The following SLC11A2 variants were observed in gnomAD, a reference collection of about 807,000 sequenced individuals.
The protein encoded by SLC11A2 is solute carrier family 11 member 2, also known as natural resistance-associated macrophage protein 2.
SLC11A2 carries 38 observed loss-of-function variants against 68.0 expected under a neutral mutation model. The ratio of observed to expected loss-of-function variants is 0.56; its 90% CI spans 0.43 to 0.73. SLC11A2 has a LOEUF of 0.73. Ranked by LOEUF, SLC11A2 falls within the 30% of genes least tolerant of loss-of-function variation. The pLI is 0.00. For missense variants in SLC11A2, 517 were observed against 690.5 expected, an observed-to-expected ratio of 0.75 and a Z score of 2.82; for synonymous variants, 242 against 250.6, an observed-to-expected ratio of 0.97 and a Z score of 0.32.
intron 3 of SLC11A2, among the ~76,000 whole-genome samples, chr12:51,007,762 T>TC (rs1447414868): frequency 6.6e-6 from 1 of 152,160 alleles, no homozygotes; most frequent in African/African-American, 2.4e-5. Flanking sequence ...CACCTCAGCC[T>TC]CCCGAGTAGC....
At position 51,008,516 on chromosome 12, in the gene SLC11A2, G is replaced by A; in HGVS notation, c.143C>T (p.Ala48Val). The part of the protein sequence containing the change: ...QSPGDSEEYF[A>V]TYFNEKISIP... The stretch of plus-strand genomic sequence containing the variant: ...GGAGATCTTCTCATTAAAGTAAGTG[G>A]CGAAGTACTCCTCTGAGTCCCCAGG... The change falls in exon 3 of 16, where the codon GCC (alanine) becomes GTC (valine). Residue 48 changes from alanine (A) to valine (V), a missense_variant. Transcript: ENST00000262052. The A allele has an allele frequency of 6.2e-7, 1 of 1,613,282 alleles. No homozygotes were observed. The highest frequency in any genetic ancestry group is 8.5e-7 in the Non-Finnish European group (1 of 1,179,356).
In SLC11A2 at chr12:50,999,256, G is replaced by A. The variant is rs760393316; in HGVS notation, c.608-15C>T. The A allele has an allele frequency of 1.2e-6, 2 of 1,613,852 alleles. No individual in the cohort carries two copies. The highest frequency in any genetic ancestry group is 1.7e-5 in the Admixed American group (1 of 59,996). ...CTTCCGCAAGCCTAAAGGAAAAAAGGCAGCAGTGAGCTCAGAGAAGGTAGA... is the reference window on the plus strand; with the variant it reads ...CTTCCGCAAGCCTAAAGGAAAAAAGACAGCAGTGAGCTCAGAGAAGGTAGA... On this transcript the variant is annotated splice_polypyrimidine_tract_variant and intron_variant, in intron 7 of 15. Coordinates refer to ENST00000262052, the MANE Select transcript of SLC11A2 (RefSeq NM_000617.3).
At chr12:50,995,582 C>G (rs1941629515) in intron 10 of SLC11A2, 47 bp downstream of exon 10, 1 of 1,595,880 alleles carries the variant, frequency 6.3e-7, no homozygotes, top group Admixed American at 1.7e-5. Context: ...TTGCAGTCTT[C>G]ACTTTACCCT....
At position 50,987,265 on chromosome 12, in the gene SLC11A2, A is replaced by C; in HGVS notation, c.*1060T>G. ...TACTAACACCTACTGACTTGCAGAG[A>C]ACGCTGAGAAAGACAGTGTGCTTTG... On this transcript the variant is annotated 3_prime_UTR_variant, in exon 16 of 16. Transcript: ENST00000262052. 1 of 1,287,224 alleles carries C rather than the reference A, an allele frequency of 7.8e-7. No homozygotes were observed. The highest frequency in any genetic ancestry group is 1.0e-6 in the Non-Finnish European group (1 of 988,682). 79.7% of individuals were successfully genotyped at this position (1,287,224 alleles called of 1,614,324 possible).
intron 1 of SLC11A2, among the ~76,000 whole-genome samples, chr12:51,022,481 C>G: frequency 6.7e-6 from 1 of 148,790 alleles, no homozygotes; most frequent in Non-Finnish European, 1.5e-5. Context: ...CAGCCTATAC[C>G]TACTTCTTGC....
chr12:51,017,985 C>CA (rs1173494949), intron 1 of SLC11A2, among the ~76,000 whole-genome samples: 9 of 152,142 alleles, frequency 5.9e-5, no homozygotes, highest in Non-Finnish European at 1.2e-4. Context: ...AGTTACCCCC[C>CA]AAAACACATA....
chr12:50,958,244 A>G, the SLC11A2 span, among the ~76,000 whole-genome samples: 1 of 150,466 alleles, frequency 6.6e-6, no homozygotes, highest in Admixed American at 6.6e-5. Flanking sequence ...TCTAAATCTT[A>G]TATGGAAAGG....
downstream of SLC11A2, among the ~76,000 whole-genome samples, chr12:50,977,108 C>T (rs1939858552): frequency 6.6e-6 from 1 of 152,184 alleles, no homozygotes; most frequent in African/African-American, 2.4e-5. Flanking sequence ...CCCCATCAAG[C>T]TACCAATGAC....
downstream of SLC11A2, chr12:50,980,467 A>G (rs706803): frequency 0.91 from 138,377 of 152,332 alleles, 63,149 homozygotes; most frequent in East Asian, 0.98. Context: ...ATGCATTCCC[A>G]CCTTGGCGAC....
At chr12:50,988,470 T>C in intron 15 of SLC11A2, 35 bp from the exon 16 acceptor site, 2 of 1,613,280 alleles carry the variant, frequency 1.2e-6, no homozygotes, top group Non-Finnish European at 1.7e-6. Flanking sequence ...CTCACCAGGC[T>C]CTTTGAAGAG....
downstream of SLC11A2, among the ~76,000 whole-genome samples, chr12:50,982,935 C>T (rs1014463726): frequency 9.6e-5 from 13 of 134,744 alleles, no homozygotes; most frequent in South Asian, 7.5e-4. Flanking sequence ...AGCGAGACTC[C>T]GTCAAAAAAA....
rs759201714 is a variant in SLC11A2 at position 50,995,684 on chromosome 12, A to G, written c.935T>C (p.Val312Ala). 3.1e-6 allele frequency: 5 copies of G among 1,614,218 alleles called. No homozygotes were observed. The highest frequency in any genetic ancestry group is 4.2e-6 in the Non-Finnish European group (5 of 1,180,024). Residue 312 changes from valine (V) to alanine (A), a missense_variant, in exon 10 of 16, where the codon GTC becomes GCC. Val to Ala is a moderately conservative substitution (Grantham distance 64, BLOSUM62 0). Transcript: ENST00000262052. ...TTCAGCAAAGACTGAGACAACAAAG[A>G]CATTGATGATGAAGGAAACAAAGAG... ...IALFVSFIIN[V>A]FVVSVFAEAF...
At chr12:51,028,027 T>A (rs1944459071), upstream of SLC11A2, 1 of 469,324 alleles carries the variant, frequency 2.1e-6, no homozygotes, top group Non-Finnish European at 3.8e-6. Flanking sequence ...ACAGTACATC[T>A]GTGGAGTTTC....
chr12:51,008,279 CAGAG>C, intron 3 of SLC11A2, 193 bp downstream of exon 3: 1 of 517,858 alleles, frequency 1.9e-6, no homozygotes, highest in Admixed American at 3.2e-5. Context: ...GACAGACAGA[CAGAG>C]ATAGATAGAT....
intron 5 of SLC11A2, among the ~76,000 whole-genome samples, chr12:51,004,321 G>A (rs2136276771): frequency 6.6e-6 from 1 of 152,112 alleles, no homozygotes; most frequent in South Asian, 2.1e-4. Flanking sequence ...AGGGGAAACT[G>A]AAAAATAATT....
chr12:51,012,733 C>T (rs1943332092), intron 1 of SLC11A2, among the ~76,000 whole-genome samples: 1 of 152,164 alleles, frequency 6.6e-6, no homozygotes, highest in African/African-American at 2.4e-5. Context: ...AAAACATAAT[C>T]CTTCCTCTCT....
chr12:50,957,651 G>A, the SLC11A2 span, among the ~76,000 whole-genome samples: 5 of 151,876 alleles, frequency 3.3e-5, no homozygotes, highest in African/African-American at 9.7e-5. Flanking sequence ...TTGGGAGGCC[G>A]AGGTGGGCAG....
intron 1 of SLC11A2, chr12:51,025,644 C>T: frequency 1.8e-6 from 1 of 552,360 alleles, no homozygotes; most frequent in Non-Finnish European, 2.3e-6. Flanking sequence ...ATGAAACGCA[C>T]AGCTGGGAGA....
the SLC11A2 span, among the ~76,000 whole-genome samples, chr12:50,959,405 C>A: frequency 6.6e-6 from 1 of 152,122 alleles, no homozygotes; most frequent in Non-Finnish European, 1.5e-5. Context: ...TAGGTGTGAG[C>A]CACTGTGCCC....
Sources: allele counts gnomAD v4.1 joint callset (sites outside exome capture counted in the v4.1 genomes callset), GRCh38; gene constraint gnomAD v4.1.1; transcripts MANE v1.5; gene names NCBI Gene and HGNC (gene_info 2026-07-23, HGNC 2026-07-21).